Variants in COL11A1 observed in about 807,000 individuals in gnomAD.
The protein encoded by COL11A1 is collagen type XI alpha 1 chain.
A neutral mutation model predicts 265.2 loss-of-function variants in COL11A1; 74 were observed. The observed-to-expected ratio is 0.28, with a 90% CI of 0.23 to 0.34. COL11A1 has a LOEUF of 0.34. Ranked by LOEUF, COL11A1 falls within the 10% of genes least tolerant of loss-of-function variation. The pLI, the probability that COL11A1 is intolerant of heterozygous loss-of-function variation, is 1.00. For missense variants in COL11A1, 2,165 were observed against 2,263.6 expected (o/e 0.96, Z 0.88); for synonymous variants, 816 against 727.6 (o/e 1.12, Z -1.96).
chr1:103,082,988 A>G lies in COL11A1; in HGVS notation c.107-16T>C, dbSNP rs1284757302. 1 of 1,611,320 alleles carries G rather than the reference A, an allele frequency of 6.2e-7. No homozygotes were observed. Among genetic ancestry groups the G allele is most frequent in the Admixed American group, 1.7e-5 (1 of 59,880 alleles). ...ACTGGAGCAGCTGAAAAATAAGCAA[A>G]CAATAAAAAACCAGAATTGAACAAC... On this transcript the variant is annotated splice_polypyrimidine_tract_variant and intron_variant, in intron 1 of 66. Coordinates refer to ENST00000370096, the MANE Select transcript of COL11A1 (RefSeq NM_001854.4).
At chr1:103,094,207 C>T (rs143309270) in intron 1 of COL11A1, among the ~76,000 whole-genome samples, 1 of 152,134 alleles carries the variant, frequency 6.6e-6, no homozygotes, top group East Asian at 1.9e-4. Context: ...ATAGACACCA[C>T]ACAAGAGTAA....
At chr1:103,085,166 G>A (rs946322527) in intron 1 of COL11A1, among the ~76,000 whole-genome samples, 3 of 152,082 alleles carry the variant, frequency 2.0e-5, no homozygotes, top group African/African-American at 7.2e-5. Flanking sequence ...CTTTTGTACT[G>A]CATTATTTAT....
chr1:102,955,343 G>A (rs1335123634), intron 41 of COL11A1, among the ~76,000 whole-genome samples: 1 of 152,096 alleles, frequency 6.6e-6, no homozygotes, highest in East Asian at 1.9e-4. Context: ...AATAAATAAA[G>A]AGGAAAATAA....
chr1:102,946,101 C>G (rs1289194374), intron 42 of COL11A1, among the ~76,000 whole-genome samples: 2 of 134,952 alleles, frequency 1.5e-5, no homozygotes, highest in Non-Finnish European at 3.2e-5. Flanking sequence ...ACCAGATGTT[C>G]TCACTCATAG....
At chr1:102,965,094 C>A (rs1219993104) in intron 38 of COL11A1, among the ~76,000 whole-genome samples, 1 of 152,068 alleles carries the variant, frequency 6.6e-6, no homozygotes, top group African/African-American at 2.4e-5. Context: ...ATTTCTAAAT[C>A]TAATTTATAC....
At chr1:103,036,321 CGT>C (rs1668364805) in intron 4 of COL11A1, among the ~76,000 whole-genome samples, 1 of 20,450 alleles carries the variant, frequency 4.9e-5, no homozygotes, top group African/African-American at 1.1e-4. Flanking sequence ...AAGTTGCTAT[CGT>C]ATATATATAT....
intron 4 of COL11A1, among the ~76,000 whole-genome samples, chr1:103,044,773 G>T (rs540701057): frequency 1.3e-5 from 2 of 152,156 alleles, no homozygotes; most frequent in Non-Finnish European, 2.9e-5. Context: ...TTTAGATTTT[G>T]TGGACACAGC....
chr1:103,077,991 A>G (rs1042789714), intron 3 of COL11A1, among the ~76,000 whole-genome samples: 3 of 152,156 alleles, frequency 2.0e-5, no homozygotes, highest in African/African-American at 4.8e-5. Context: ...TACATGGCAC[A>G]TATCAGCACT....
intron 1 of COL11A1, among the ~76,000 whole-genome samples, chr1:103,107,286 C>G (rs1452354991): frequency 7.0e-6 from 1 of 142,152 alleles, no homozygotes; most frequent in African/African-American, 2.5e-5. Context: ...CCCTCCCCTT[C>G]CCTCCCAATC....
At chr1:103,080,168 A>T (rs1218593200) in intron 2 of COL11A1, among the ~76,000 whole-genome samples, 2 of 151,950 alleles carry the variant, frequency 1.3e-5, no homozygotes, top group African/African-American at 4.8e-5. Flanking sequence ...AAAACATATT[A>T]CAAAAGAAAA....
At chr1:103,006,354 T>C (rs750968129) in intron 15 of COL11A1, 39 bp from the exon 16 acceptor site, 15 of 1,539,684 alleles carry the variant, frequency 9.7e-6, no homozygotes. Context: ...ATTATAGAAT[T>C]CTTGATCAAT....
intron 1 of COL11A1, among the ~76,000 whole-genome samples, chr1:103,095,552 A>G (rs1429455441): frequency 3.3e-5 from 5 of 152,082 alleles, no homozygotes; most frequent in Non-Finnish European, 7.4e-5. Context: ...AATAAGTGCA[A>G]AGAACCCGAG....
intron 57 of COL11A1, among the ~76,000 whole-genome samples, chr1:102,893,494 A>C (rs1012420060): frequency 7.9e-5 from 12 of 151,944 alleles, no homozygotes; most frequent in Non-Finnish European, 1.5e-5. Context: ...AAAAACATCA[A>C]CTCTGCATAT....
At chr1:103,097,922 C>G (rs1347943358) in intron 1 of COL11A1, among the ~76,000 whole-genome samples, 1 of 151,860 alleles carries the variant, frequency 6.6e-6, no homozygotes, top group Non-Finnish European at 1.5e-5. Flanking sequence ...CAATCCTGAA[C>G]TTTTTTATAT....
chr1:102,983,163 T>C (rs1387528945), intron 31 of COL11A1, among the ~76,000 whole-genome samples: 1 of 152,048 alleles, frequency 6.6e-6, no homozygotes, highest in East Asian at 1.9e-4. Context: ...TTAACAAAGT[T>C]TTATGATAGG....
At chr1:102,934,616 T>A in intron 45 of COL11A1, 60 bp from the exon 46 acceptor site, 1 of 1,331,118 alleles carries the variant, frequency 7.5e-7, no homozygotes, top group Non-Finnish European at 1.1e-6. Flanking sequence ...TATGAGTCAT[T>A]AAAAAATGTG....
At chr1:103,053,057 A>G (rs57183243) in intron 4 of COL11A1, among the ~76,000 whole-genome samples, 5,264 of 152,292 alleles carry the variant, frequency 0.035, 331 homozygotes, top group African/African-American at 0.12. Context: ...AATATTTGTA[A>G]AAGAGGAAAC....
At chr1:102,886,756 C>A in intron 63 of COL11A1, 51 bp downstream of exon 63, 3 of 1,612,550 alleles carry the variant, frequency 1.9e-6, no homozygotes, top group Non-Finnish European at 2.5e-6. Context: ...CAATGCACCT[C>A]AGAAACTCAG....
chr1:103,026,894 A>G (rs919357515), intron 5 of COL11A1, among the ~76,000 whole-genome samples: 1 of 152,144 alleles, frequency 6.6e-6, no homozygotes, highest in Middle Eastern at 3.4e-3. Context: ...TACTGTAACC[A>G]ATGGGAAAAT....
Sources: gnomAD v4.1 joint callset for allele counts (sites outside exome capture counted in the v4.1 genomes callset) on GRCh38, gnomAD v4.1.1 for gene constraint, MANE v1.5 for transcripts, NCBI Gene and HGNC (gene_info 2026-07-23, HGNC 2026-07-21) for gene names.